DENND2B: variants seen among roughly 807,000 people sequenced by gnomAD.
The protein encoded by DENND2B is DENN domain-containing protein 2B.
DENND2B carries 32 observed loss-of-function variants against 116.0 expected under a neutral mutation model. That is an observed-to-expected ratio of 0.28 (90% CI 0.21 to 0.37). The LOEUF is 0.37. DENND2B is among the 10% of genes least tolerant of loss of function. The pLI is 1.00. For synonymous variants in DENND2B, 588 were observed against 583.9 expected (o/e 1.01, Z -0.10); for missense variants, 1,276 against 1,477.7 (o/e 0.86, Z 2.24).
intron 1 of DENND2B, among the ~76,000 whole-genome samples, chr11:8,789,108 C>T (rs1435461908): frequency 6.6e-6 from 1 of 152,178 alleles, no homozygotes; most frequent in Non-Finnish European, 1.5e-5. Context: ...TTTGGAGATA[C>T]ATTCTGAAGC....
chr11:8,832,175 A>T (rs1198661325), intron 4 of DENND2B, among the ~76,000 whole-genome samples: 2 of 152,024 alleles, frequency 1.3e-5, no homozygotes, highest in African/African-American at 4.8e-5. Flanking sequence ...CACCTCGGCC[A>T]GGCACAGTGG....
chr11:8,860,693 T>G (rs2063362022), intron 2 of DENND2B, among the ~76,000 whole-genome samples: 1 of 152,042 alleles, frequency 6.6e-6, no homozygotes, highest in Admixed American at 6.6e-5. Flanking sequence ...GAAAAAACAA[T>G]TCTAAAATTC....
intron 1 of DENND2B, among the ~76,000 whole-genome samples, chr11:8,900,674 A>T (rs184633908): frequency 0.023 from 3,511 of 151,566 alleles, 49 homozygotes; most frequent in Middle Eastern, 0.034. Context: ...TCACTAAAAA[A>T]TTTTTTTAAA....
chr11:8,908,898 A>G (rs971149015), intron 1 of DENND2B, among the ~76,000 whole-genome samples: 14 of 152,172 alleles, frequency 9.2e-5, no homozygotes, highest in Non-Finnish European at 1.8e-4. Flanking sequence ...AGCTAAGTCT[A>G]TGGAGCACTT....
Position 8,726,294 on chromosome 11 carries a change from C to T in DENND2B, c.1341-85G>A, listed in dbSNP as rs943909218. 3.3e-6 allele frequency: 5 copies of T among 1,497,094 alleles called. No homozygotes were observed. The African/African-American group carries it at 7.0e-5, about 21-fold the overall frequency. 92.7% of individuals were successfully genotyped at this position (1,497,094 alleles called of 1,614,324 possible). On this transcript the variant is annotated intron_variant, in intron 3 of 19. Transcript: ENST00000313726. Reference sequence around the variant, plus strand: ...GGAATGTCCATGGCAACAGCAAAGACCATAGGCCCTCCTTACAAAGGCAGC... The same window carrying T: ...GGAATGTCCATGGCAACAGCAAAGATCATAGGCCCTCCTTACAAAGGCAGC...
intron 1 of DENND2B, among the ~76,000 whole-genome samples, chr11:8,896,760 G>A (rs2064106906): frequency 2.0e-5 from 3 of 152,146 alleles, no homozygotes; most frequent in Non-Finnish European, 4.4e-5. Context: ...CCAACTTTAG[G>A]CTAATGTGAG....
chr11:8,693,970 G>C lies in DENND2B; in HGVS notation c.*126C>G. ...CTGGGATATGATGAAGGCAGAGGTG[G>C]GCTGGCTTGGAGGATAGGATCTGTG... is the stretch of plus-strand genomic sequence containing the variant. On this transcript the variant is annotated 3_prime_UTR_variant, in exon 20 of 20. Transcript: ENST00000313726. 1 of 918,604 alleles carries C rather than the reference G, an allele frequency of 1.1e-6. No individual in the cohort carries two copies. Among genetic ancestry groups the C allele is most frequent in the Non-Finnish European group, 1.7e-6 (1 of 592,316 alleles). 56.9% of individuals were successfully genotyped at this position (918,604 alleles called of 1,614,324 possible).
intron 1 of DENND2B, among the ~76,000 whole-genome samples, chr11:8,898,718 C>T (rs1015102937): frequency 6.6e-6 from 1 of 152,154 alleles, no homozygotes; most frequent in Non-Finnish European, 1.5e-5. Flanking sequence ...CAATAGAGAC[C>T]ACATTGACTA....
At chr11:8,870,013 G>A (rs2063721654) in intron 2 of DENND2B, among the ~76,000 whole-genome samples, 1 of 152,180 alleles carries the variant, frequency 6.6e-6, no homozygotes, top group South Asian at 2.1e-4. Flanking sequence ...TTAACCCTGT[G>A]GCCCCATCCC....
At chr11:8,766,844 G>T in intron 1 of DENND2B, 1 of 364,598 alleles carries the variant, frequency 2.7e-6, no homozygotes, top group Non-Finnish European at 5.0e-6. Flanking sequence ...TTATAGAACT[G>T]GAATTCGCTT....
chr11:8,773,616 C>A (rs962241919), intron 1 of DENND2B, among the ~76,000 whole-genome samples: 2 of 152,128 alleles, frequency 1.3e-5, no homozygotes, highest in African/African-American at 4.8e-5. Context: ...CAAAGCCAGG[C>A]CCAGCCCAGT....
intron 3 of DENND2B, among the ~76,000 whole-genome samples, chr11:8,854,085 T>C (rs2063113109): frequency 6.8e-6 from 1 of 146,070 alleles, no homozygotes; most frequent in Non-Finnish European, 1.5e-5. Context: ...TAGGCTGGTA[T>C]TGAAGTCCTG....
At chr11:8,870,653 G>A (rs991523309) in intron 2 of DENND2B, among the ~76,000 whole-genome samples, 1 of 151,932 alleles carries the variant, frequency 6.6e-6, no homozygotes, top group Non-Finnish European at 1.5e-5. Context: ...CCCGAGATCG[G>A]GTCTCCGCTC....
Position 8,726,222 on chromosome 11 carries a change from A to G in DENND2B, c.1341-13T>C, listed in dbSNP as rs372618001. On this transcript the variant is annotated splice_polypyrimidine_tract_variant and intron_variant, in intron 3 of 19. Coordinates refer to ENST00000313726, the MANE Select transcript of DENND2B (RefSeq NM_213618.2). ...CTCAAAGGATTTTCTGTGGATAACAAGAGCAAGAGTCATTCCTGCTGAATC... is the reference window on the plus strand; with the variant it reads ...CTCAAAGGATTTTCTGTGGATAACAGGAGCAAGAGTCATTCCTGCTGAATC... 1 of 1,600,348 alleles carries G rather than the reference A, an allele frequency of 6.2e-7. No homozygotes were observed. The highest frequency in any genetic ancestry group is 1.3e-5 in the African/African-American group (1 of 74,392).
intron 4 of DENND2B, among the ~76,000 whole-genome samples, chr11:8,723,335 A>C (rs1226017626): frequency 1.3e-5 from 2 of 152,080 alleles, no homozygotes; most frequent in Non-Finnish European, 2.9e-5. Context: ...TGAGAAAGGG[A>C]CGGCTTCAAC....
intron 2 of DENND2B, among the ~76,000 whole-genome samples, chr11:8,864,712 T>C (rs1208360697): frequency 6.6e-6 from 1 of 152,300 alleles, no homozygotes; most frequent in East Asian, 1.9e-4. Flanking sequence ...ATTCAAAAAC[T>C]ATAGGACACA....
chr11:8,754,037 A>G (rs1321106327), intron 1 of DENND2B, among the ~76,000 whole-genome samples: 38 of 151,350 alleles, frequency 2.5e-4, no homozygotes, highest in African/African-American at 7.1e-4. Flanking sequence ...GCGCACACAC[A>G]CACACACACA....
chr11:8,712,868 A>C lies in DENND2B; in HGVS notation c.1988-133T>G. The C allele has an allele frequency of 9.5e-6, 9 of 948,448 alleles. No homozygotes were observed. Among genetic ancestry groups the C allele is most frequent in the South Asian group, 3.7e-5 (2 of 54,758 alleles). The allele number at this position is 948,448 out of a possible 1,614,324, so 58.8% of individuals were successfully genotyped here. On this transcript the variant is annotated intron_variant, in intron 8 of 19. Transcript: ENST00000313726. The surrounding 1 kb of genome is among the most constrained non-coding windows in gnomAD (Gnocchi z 4.4). ...CCTAGTCTGATACCATCCCCAGCTC[A>C]CAGTGCAGGAGGACCGGCAGGCACA...
chr11:8,861,422 G>GA (rs1017346983), intron 2 of DENND2B, among the ~76,000 whole-genome samples: 9 of 152,062 alleles, frequency 5.9e-5, no homozygotes, highest in South Asian at 4.2e-4. Context: ...CGAAATATAT[G>GA]AAAAAAATGC....
Sources: gnomAD v4.1 joint callset for allele counts (sites outside exome capture counted in the v4.1 genomes callset) on GRCh38, gnomAD v4.1.1 for gene constraint, Gnocchi (gnomAD v3.1) non-coding constraint, MANE v1.5 for transcripts, NCBI Gene and HGNC (gene_info 2026-07-23, HGNC 2026-07-21) for gene names.